NKAIN3: variants seen among roughly 807,000 people sequenced by gnomAD.
NKAIN3 encodes the protein sodium/potassium-transporting ATPase subunit beta-1-interacting protein 3.
NKAIN3 carries 25 observed loss-of-function variants against 30.2 expected under a neutral mutation model. That is an observed-to-expected ratio of 0.83 (90% CI 0.60 to 1.16). The LOEUF is 1.16. Ranked by LOEUF, NKAIN3 falls within the 50% of genes most tolerant of loss-of-function variation. The pLI, the probability that NKAIN3 is intolerant of heterozygous loss-of-function variation, is 0.00. For missense variants in NKAIN3, 225 were observed against 254.1 expected (o/e 0.89, Z 0.78); for synonymous variants, 91 against 89.6 (o/e 1.02, Z -0.09).
intron 3 of NKAIN3, among the ~76,000 whole-genome samples, chr8:62,653,137 T>C (rs1234157383): frequency 2.0e-5 from 3 of 152,172 alleles, no homozygotes; most frequent in Non-Finnish European, 2.9e-5. Flanking sequence ...CAAAGTACTA[T>C]AGACTGGGTT....
chr8:62,898,292 TG>T (rs1285647047), intron 4 of NKAIN3, among the ~76,000 whole-genome samples: 2 of 152,152 alleles, frequency 1.3e-5, no homozygotes, highest in African/African-American at 4.8e-5. Flanking sequence ...AATTCACAAT[TG>T]CAAAGATATG....
At chr8:62,620,026 G>C (rs28590250) in intron 3 of NKAIN3, among the ~76,000 whole-genome samples, 3,596 of 152,242 alleles carry the variant, frequency 0.024, 103 homozygotes, top group African/African-American at 0.074. Flanking sequence ...TATCTCAAAA[G>C]AGTTTTACCT....
At chr8:62,408,992 A>T (rs189868032) in intron 1 of NKAIN3, among the ~76,000 whole-genome samples, 194 of 152,238 alleles carry the variant, frequency 1.3e-3, no homozygotes, top group African/African-American at 4.6e-3. Flanking sequence ...AAATAGAAAA[A>T]TGGTTTTGAA....
At chr8:62,732,213 A>T (rs944717132) in intron 3 of NKAIN3, among the ~76,000 whole-genome samples, 1 of 152,138 alleles carries the variant, frequency 6.6e-6, no homozygotes, top group African/African-American at 2.4e-5. Context: ...GTCATTAATT[A>T]TATTTTTCTC....
chr8:62,454,301 C>CAAAAAAAAAAAAAAAAAAAAAAAAAAAA lies in NKAIN3; in HGVS notation c.55-125216_55-125215insAAAAAAAAAAAAAAAAAAAAAAAAAAAA, dbSNP rs201511724. Among the ~76,000 whole-genome samples the CAAAAAAAAAAAAAAAAAAAAAAAAAAAA allele has an allele frequency of 3.4e-3, 192 of 56,126 alleles. 20 individuals are homozygous for CAAAAAAAAAAAAAAAAAAAAAAAAAAAA. The highest frequency in any genetic ancestry group is 5.1e-3 in the Non-Finnish European group (132 of 25,988). 36.8% of individuals were successfully genotyped at this position (56,126 alleles called of 152,430 possible). A position where few individuals can be genotyped will look rare whatever the true frequency, so the allele number is the denominator to read the frequency against. Reference sequence around the variant, plus strand: ...ACCAACACTAACAATAGCTGATGTGCAAAAAAAAAAAAAAAAAAAAAATCT... The same window carrying CAAAAAAAAAAAAAAAAAAAAAAAAAAAA: ...ACCAACACTAACAATAGCTGATGTGCAAAAAAAAAAAAAAAAAAAAAAAAAAAAAAAAAAAAAAAAAAAAAAAAAATCT... On this transcript the variant is annotated intron_variant, in intron 1 of 6. Coordinates refer to ENST00000623646, the MANE Select transcript of NKAIN3 (RefSeq NM_001304533.3).
intron 4 of NKAIN3, chr8:62,855,215 G>C (rs974997431): frequency 5.3e-6 from 2 of 375,420 alleles, no homozygotes; most frequent in Non-Finnish European, 5.1e-6. Flanking sequence ...ACTCTTCCTA[G>C]CTCAGAAGAA....
At chr8:62,998,473 C>T (rs1804178813) in intron 5 of NKAIN3, among the ~76,000 whole-genome samples, 1 of 152,112 alleles carries the variant, frequency 6.6e-6, no homozygotes, top group Admixed American at 6.5e-5. Context: ...CGGGGTTTCA[C>T]CATGTTGGAC....
At chr8:62,469,101 T>C (rs553485920) in intron 1 of NKAIN3, among the ~76,000 whole-genome samples, 1 of 152,190 alleles carries the variant, frequency 6.6e-6, no homozygotes, top group Non-Finnish European at 1.5e-5. Context: ...AATATGCTAC[T>C]GATTCCTTCT....
intron 4 of NKAIN3, among the ~76,000 whole-genome samples, chr8:62,809,405 A>T (rs112358282): frequency 0.014 from 2,105 of 152,294 alleles, 51 homozygotes; most frequent in African/African-American, 0.049. Context: ...TGTAGTAAAG[A>T]CAGGCATAAG....
At chr8:62,486,595 C>G (rs1259968075) in intron 1 of NKAIN3, among the ~76,000 whole-genome samples, 1 of 152,138 alleles carries the variant, frequency 6.6e-6, no homozygotes, top group African/African-American at 2.4e-5. Flanking sequence ...TGACGTTTGA[C>G]TTGGTATCCT....
At chr8:62,830,042 T>C (rs974649760) in intron 4 of NKAIN3, among the ~76,000 whole-genome samples, 3 of 152,112 alleles carry the variant, frequency 2.0e-5, no homozygotes, top group Non-Finnish European at 4.4e-5. Context: ...AAAGCATGCA[T>C]CAAAGGAGAA....
At chr8:62,509,490 G>C (rs1160396230) in intron 1 of NKAIN3, among the ~76,000 whole-genome samples, 1 of 152,016 alleles carries the variant, frequency 6.6e-6, no homozygotes, top group African/African-American at 2.4e-5. Flanking sequence ...AATAAAAACA[G>C]CCTTGGGTTT....
intron 1 of NKAIN3, among the ~76,000 whole-genome samples, chr8:62,339,084 C>T (rs535442997): frequency 6.6e-6 from 1 of 151,918 alleles, no homozygotes; most frequent in Non-Finnish European, 1.5e-5. Context: ...GAAGGAGATG[C>T]CTGTGATTAG....
intron 1 of NKAIN3, among the ~76,000 whole-genome samples, chr8:62,500,068 C>T (rs1403247970): frequency 2.0e-5 from 3 of 151,958 alleles, no homozygotes; most frequent in Admixed American, 6.6e-5. Flanking sequence ...GCATGAGTAC[C>T]GCTTGTCACT....
At chr8:62,886,934 T>C (rs1280460001) in intron 4 of NKAIN3, among the ~76,000 whole-genome samples, 30 of 151,656 alleles carry the variant, frequency 2.0e-4, no homozygotes, top group Admixed American at 1.9e-3. Context: ...TTCTGTTCTG[T>C]GTTAGTTTGC....
chr8:62,611,958 C>A (rs7004134), intron 3 of NKAIN3, among the ~76,000 whole-genome samples: 2 of 151,882 alleles, frequency 1.3e-5, no homozygotes, highest in South Asian at 2.1e-4. Context: ...TTTGTTATTG[C>A]GTGTCTTTTG....
intron 1 of NKAIN3, among the ~76,000 whole-genome samples, chr8:62,283,059 A>T (rs1468980716): frequency 6.6e-6 from 1 of 152,210 alleles, no homozygotes; most frequent in East Asian, 1.9e-4. Context: ...TTATTTACCC[A>T]GATGGGGTTA....
At chr8:62,886,014 A>C (rs892889626) in intron 4 of NKAIN3, among the ~76,000 whole-genome samples, 5 of 152,134 alleles carry the variant, frequency 3.3e-5, no homozygotes, top group Admixed American at 3.3e-4. Context: ...ATTAATGTCT[A>C]CCATATTCAT....
intron 1 of NKAIN3, among the ~76,000 whole-genome samples, chr8:62,255,874 A>C (rs571825078): frequency 4.3e-4 from 66 of 152,206 alleles, no homozygotes; most frequent in Non-Finnish European, 8.8e-4. Flanking sequence ...ACCAGGATCT[A>C]TTGGATAGAA....
Sources: allele counts gnomAD v4.1 joint callset (sites outside exome capture counted in the v4.1 genomes callset), GRCh38; gene constraint gnomAD v4.1.1; transcripts MANE v1.5; gene names NCBI Gene and HGNC (gene_info 2026-07-23, HGNC 2026-07-21).